Variants in ARHGAP35 observed in about 807,000 individuals in gnomAD.
ARHGAP35 encodes Rho GTPase activating protein 35, also known as rho GTPase-activating protein 35.
Under a neutral mutation model 111.1 loss-of-function variants are expected in ARHGAP35, and 15 were observed. That is an observed-to-expected ratio of 0.13 (90% CI 0.09 to 0.21). The LOEUF (loss-of-function observed/expected upper bound fraction) is 0.21. Among genes scored for constraint, ARHGAP35 ranks in the 10% least tolerant of loss-of-function variants. The pLI is 1.00. For missense variants in ARHGAP35, 1,262 were observed against 1,873.0 expected (o/e 0.67, Z 6.02); for synonymous variants, 643 against 710.3 (o/e 0.91, Z 1.51).
intron 3 of ARHGAP35, among the ~76,000 whole-genome samples, chr19:46,953,642 T>G (rs1171318269): frequency 1.3e-5 from 2 of 152,200 alleles, no homozygotes; most frequent in Non-Finnish European, 2.9e-5. Flanking sequence ...TGCTATTCCT[T>G]TCTCTGGATG....
At chr19:46,944,454 C>T (rs925747120) in intron 3 of ARHGAP35, among the ~76,000 whole-genome samples, 3 of 152,152 alleles carry the variant, frequency 2.0e-5, no homozygotes, top group African/African-American at 7.2e-5. Context: ...GCTAGTCCCC[C>T]AAAACATTGA....
chr19:46,940,981 C>T (rs1173345170), intron 3 of ARHGAP35, among the ~76,000 whole-genome samples: 1 of 144,872 alleles, frequency 6.9e-6, no homozygotes, highest in East Asian at 1.9e-4. Context: ...CACTCATAAT[C>T]CTCCTTCCCG....
intron 1 of ARHGAP35, among the ~76,000 whole-genome samples, chr19:46,869,480 G>T (rs899222263): frequency 7.3e-6 from 1 of 136,794 alleles, no homozygotes; most frequent in African/African-American, 3.0e-5. Flanking sequence ...AAAAAATTGT[G>T]TGTGTGTGTG....
At chr19:46,970,591 AG>A (rs1346764758) in intron 3 of ARHGAP35, among the ~76,000 whole-genome samples, 1 of 152,158 alleles carries the variant, frequency 6.6e-6, no homozygotes, top group Non-Finnish European at 1.5e-5. Context: ...GATCAGAGTG[AG>A]GGGCGTCTCC....
rs935735824 is a variant in ARHGAP35, at chr19:46,999,603, C to T, written c.4142+194C>T. 2 of 580,982 alleles carry T rather than the reference C, an allele frequency of 3.4e-6. No individual in the cohort carries two copies. The highest frequency in any genetic ancestry group is 3.7e-5 in the African/African-American group (2 of 53,506). 36.0% of individuals were successfully genotyped at this position (580,982 alleles called of 1,614,324 possible). A position where few individuals can be genotyped will look rare whatever the true frequency, so the allele number is the denominator to read the frequency against. On this transcript the variant is annotated intron_variant, in intron 6 of 6. Coordinates refer to ENST00000672722, the MANE Select transcript of ARHGAP35 (RefSeq NM_004491.5). The surrounding 1 kb of genome is among the most constrained non-coding windows in gnomAD (Gnocchi z 5.4). ...CTCTGCCTCTCGCCCATCCTCAGGC[C>T]TCCCTCCTGCTCCTGTCTGAGGGCA...
chr19:46,923,781 C>T (rs904926969), intron 2 of ARHGAP35, among the ~76,000 whole-genome samples: 23 of 151,606 alleles, frequency 1.5e-4, no homozygotes, highest in Admixed American at 9.2e-4. Flanking sequence ...ATTAGCTGGG[C>T]GTGGTGGCAG....
intron 3 of ARHGAP35, among the ~76,000 whole-genome samples, chr19:46,971,672 G>A (rs2056550611): frequency 6.6e-6 from 1 of 151,594 alleles, no homozygotes; most frequent in South Asian, 2.1e-4. Context: ...GCTAATTTTT[G>A]TATTTTTAGT....
intron 3 of ARHGAP35, 83 bp from the exon 4 acceptor site, chr19:46,987,906 C>A: frequency 1.4e-6 from 2 of 1,394,020 alleles, no homozygotes; most frequent in East Asian, 2.4e-5. Flanking sequence ...CTTTCCCTGG[C>A]TTTCTCCTTG....
rs948286779 is a variant in ARHGAP35, at chr19:47,002,567, C to T, written c.*1879C>T. The T allele has an allele frequency of 6.6e-6, 1 of 152,200 alleles. No homozygotes were observed. Among genetic ancestry groups the T allele is most frequent in the Non-Finnish European group, 1.5e-5 (1 of 68,042 alleles). 9.4% of individuals were successfully genotyped at this position (152,200 alleles called of 1,614,324 possible). On this transcript the variant is annotated 3_prime_UTR_variant, in exon 7 of 7. Transcript: ENST00000672722. ...TGGCTGGAAGGTGACATCTGTGTTTCGTTTTAGCTGAGGTTGGCAGAAACG... is the reference window on the plus strand; with the variant it reads ...TGGCTGGAAGGTGACATCTGTGTTTTGTTTTAGCTGAGGTTGGCAGAAACG...
At chr19:46,928,238 AT>A (rs1487454892) in intron 2 of ARHGAP35, among the ~76,000 whole-genome samples, 1 of 152,176 alleles carries the variant, frequency 6.6e-6, no homozygotes, top group Non-Finnish European at 1.5e-5. Context: ...TTAAAAAAAA[AT>A]TACGATAGGC....
In ARHGAP35 at chr19:47,000,875, C is replaced by T; in HGVS notation, c.*187C>T. On this transcript the variant is annotated 3_prime_UTR_variant, in exon 7 of 7. Coordinates refer to ENST00000672722, the MANE Select transcript of ARHGAP35 (RefSeq NM_004491.5). This position sits in a 1 kb window ranked among gnomAD's most constrained non-coding sequence, Gnocchi z 6.9. ...GGCTGGGCTGCCAGGTACCCTGGGC[C>T]TGGCGCTGCAGACCTGAGCTGGCTT... 1 of 1,534,966 alleles carries T rather than the reference C, an allele frequency of 6.5e-7. No homozygotes were observed. Among genetic ancestry groups the T allele is most frequent in the Non-Finnish European group, 8.7e-7 (1 of 1,146,384 alleles).
chr19:46,898,236 G>A (rs1278183687), intron 1 of ARHGAP35, among the ~76,000 whole-genome samples: 9 of 144,762 alleles, frequency 6.2e-5, no homozygotes, highest in Non-Finnish European at 1.1e-4. Context: ...GCGAGACTCC[G>A]TCTCAAAAAA....
chr19:46,903,776 G>A (rs1470640472), intron 1 of ARHGAP35, among the ~76,000 whole-genome samples: 1 of 152,182 alleles, frequency 6.6e-6, no homozygotes, highest in Non-Finnish European at 1.5e-5. Flanking sequence ...CTTATCTAAA[G>A]GAAAATCATG....
chr19:46,870,337 T>C (rs1230460613), intron 1 of ARHGAP35, among the ~76,000 whole-genome samples: 1 of 150,964 alleles, frequency 6.6e-6, no homozygotes, highest in Non-Finnish European at 1.5e-5. Flanking sequence ...CCCAGCACTT[T>C]GGGAGGCCGA....
At chr19:46,897,275 CAA>C (rs2056062458) in intron 1 of ARHGAP35, among the ~76,000 whole-genome samples, 1 of 152,082 alleles carries the variant, frequency 6.6e-6, no homozygotes, top group South Asian at 2.1e-4. Flanking sequence ...TGGAAATCAG[CAA>C]GAGTCAAGCT....
chr19:46,872,361 A>T (rs1036482591), intron 1 of ARHGAP35, among the ~76,000 whole-genome samples: 1 of 151,870 alleles, frequency 6.6e-6, no homozygotes, highest in Non-Finnish European at 1.5e-5. Flanking sequence ...CTTTTTTTTT[A>T]ATTTTCCCAA....
intron 3 of ARHGAP35, among the ~76,000 whole-genome samples, chr19:46,969,652 T>G (rs2056534034): frequency 6.6e-6 from 1 of 152,156 alleles, no homozygotes; most frequent in Non-Finnish European, 1.5e-5. Flanking sequence ...GGGCAGAGGG[T>G]TGGACCAGTC....
intron 3 of ARHGAP35, among the ~76,000 whole-genome samples, chr19:46,964,812 T>C (rs527302136): frequency 2.0e-5 from 3 of 152,324 alleles, no homozygotes; most frequent in African/African-American, 7.2e-5. Flanking sequence ...CAAGCCAACA[T>C]GGACCCAGAG....
In ARHGAP35 at chr19:46,921,434, C is replaced by T; in HGVS notation, c.2759C>T (p.Thr920Ile). The T allele has an allele frequency of 6.2e-7, 1 of 1,613,912 alleles. No homozygotes were observed. The highest frequency in any genetic ancestry group is 8.5e-7 in the Non-Finnish European group (1 of 1,179,854). ...GCTCAAGAAATTGACGGAAGGTTCA[C>T]AAGCATCCCCTGTAGCCAACCCCAG... is the stretch of plus-strand genomic sequence containing the variant. ...EIAQEIDGRF[T>I]SIPCSQPQHK... is the part of the protein sequence containing the mutation. Residue 920 changes from threonine (T) to isoleucine (I), a missense_variant, in exon 2 of 7, where the codon ACA (threonine) becomes ATA (isoleucine). Transcript: ENST00000672722. The surrounding 1 kb of genome is among the most constrained non-coding windows in gnomAD (Gnocchi z 4.3).
Sources: allele counts gnomAD v4.1 joint callset (sites outside exome capture counted in the v4.1 genomes callset), GRCh38; gene constraint gnomAD v4.1.1; non-coding constraint Gnocchi (gnomAD v3.1); transcripts MANE v1.5; gene names NCBI Gene and HGNC (gene_info 2026-07-23, HGNC 2026-07-21).